The following TAS2R1 variants were observed in gnomAD, a reference collection of about 807,000 sequenced individuals.
TAS2R1 encodes the protein taste 2 receptor member 1, also known as taste receptor type 2 member 1.
For synonymous variants in TAS2R1, 141 were observed against 134.2 expected (o/e 1.05, Z -0.35); for missense variants, 370 against 353.4 (o/e 1.05, Z -0.38).
chr5:9,841,027 G>A, the TAS2R1 span, among the ~76,000 whole-genome samples: 1 of 151,806 alleles, frequency 6.6e-6, no homozygotes, highest in African/African-American at 2.4e-5. Flanking sequence ...TATTCACAAA[G>A]CACATAAATC....
downstream of TAS2R1, chr5:9,629,688 GAA>G: frequency 6.2e-7 from 1 of 1,614,148 alleles, no homozygotes; most frequent in Non-Finnish European, 8.5e-7. Context: ...TCAACCAGAT[GAA>G]GAGTGGGTGA....
the TAS2R1 span, among the ~76,000 whole-genome samples, chr5:9,899,203 C>A: frequency 6.6e-6 from 1 of 152,100 alleles, no homozygotes; most frequent in African/African-American, 2.4e-5. Context: ...GGATGTATGA[C>A]CACCAGAGGA....
At chr5:9,854,576 T>C in the TAS2R1 span, 1 of 152,182 alleles carries the variant, frequency 6.6e-6, no homozygotes, top group African/African-American at 2.4e-5. Context: ...TTCAATAATA[T>C]GTTCAAACTG....
chr5:9,650,612 C>G (rs1740286582), intron 2 of TAS2R1, among the ~76,000 whole-genome samples: 1 of 152,110 alleles, frequency 6.6e-6, no homozygotes, highest in Non-Finnish European at 1.5e-5. Context: ...ATACTTAGAA[C>G]ATTCCTTCTT....
the TAS2R1 span, among the ~76,000 whole-genome samples, chr5:9,895,844 C>T: frequency 7.2e-5 from 11 of 152,218 alleles, no homozygotes; most frequent in Non-Finnish European, 1.3e-4. Context: ...GAGAGTCCAG[C>T]TGTAATCTGA....
At chr5:9,830,094 T>A in the TAS2R1 span, among the ~76,000 whole-genome samples, 1 of 152,136 alleles carries the variant, frequency 6.6e-6, no homozygotes, top group Admixed American at 6.6e-5. Flanking sequence ...CACCCACAGC[T>A]TTGGCCATGA....
rs536208991 is a variant in TAS2R1, at chr5:9,704,490, A to G, written c.-242+7682T>C. Among the ~76,000 whole-genome samples, 9 of 152,344 alleles carry G rather than the reference A, an allele frequency of 5.9e-5. No individual in the cohort carries two copies. The East Asian group carries it at 9.6e-4, about 16-fold the overall frequency. ...TTAAATGTATACGGTTAATACCCTC[A>G]AAGCACAGCAAAAGGCAGTTCACGA... is the stretch of plus-strand genomic sequence containing the variant. On this transcript the variant is annotated intron_variant, in intron 1 of 2. Transcript: ENST00000506620.
the TAS2R1 span, among the ~76,000 whole-genome samples, chr5:9,802,718 T>C: frequency 6.6e-6 from 1 of 152,018 alleles, no homozygotes; most frequent in Non-Finnish European, 1.5e-5. Context: ...CTGGTCAACA[T>C]GGTGAAACCC....
intron 2 of TAS2R1, among the ~76,000 whole-genome samples, chr5:9,639,335 C>T (rs1740027937): frequency 6.6e-6 from 1 of 152,198 alleles, no homozygotes; most frequent in Admixed American, 6.5e-5. Flanking sequence ...TTTGGCACAA[C>T]TCCCTAAAAC....
chr5:9,894,784 C>T, the TAS2R1 span, among the ~76,000 whole-genome samples: 1 of 152,254 alleles, frequency 6.6e-6, no homozygotes, highest in African/African-American at 2.4e-5. Flanking sequence ...GGCCCCTTTG[C>T]AGGTGAAACC....
At chr5:9,840,753 T>C in the TAS2R1 span, among the ~76,000 whole-genome samples, 25 of 151,880 alleles carry the variant, frequency 1.6e-4, no homozygotes, top group Non-Finnish European at 2.9e-4. Flanking sequence ...ATATTTTTAG[T>C]GAAGGTGTGC....
chr5:9,898,149 C>T, the TAS2R1 span, among the ~76,000 whole-genome samples: 8 of 152,134 alleles, frequency 5.3e-5, no homozygotes, highest in Non-Finnish European at 8.8e-5. Flanking sequence ...TAATTGTTCA[C>T]GATAATCTAA....
the TAS2R1 span, among the ~76,000 whole-genome samples, chr5:9,724,948 A>C: frequency 2.0e-5 from 3 of 152,252 alleles, no homozygotes; most frequent in African/African-American, 7.2e-5. Flanking sequence ...AGCCCTGGAA[A>C]TACTGGAGGC....
chr5:9,761,717 T>A, the TAS2R1 span, among the ~76,000 whole-genome samples: 4 of 152,200 alleles, frequency 2.6e-5, no homozygotes, highest in African/African-American at 9.7e-5. Context: ...GATGTGTGAG[T>A]GCATCAAATG....
intron 1 of TAS2R1, among the ~76,000 whole-genome samples, chr5:9,706,920 T>G (rs1265320084): frequency 6.6e-6 from 1 of 152,184 alleles, no homozygotes; most frequent in Non-Finnish European, 1.5e-5. Context: ...TTTGAAGTAT[T>G]AAATGATGCG....
intron 2 of TAS2R1, among the ~76,000 whole-genome samples, chr5:9,655,008 A>G (rs1740380906): frequency 6.6e-6 from 1 of 152,220 alleles, no homozygotes; most frequent in Non-Finnish European, 1.5e-5. Flanking sequence ...AACATGGGTG[A>G]AACAAAAAAA....
At chr5:9,719,625 C>T in the TAS2R1 span, among the ~76,000 whole-genome samples, 2 of 152,176 alleles carry the variant, frequency 1.3e-5, no homozygotes, top group Non-Finnish European at 2.9e-5. Context: ...CTTCCTGCTG[C>T]TGCTTAAAAA....
At chr5:9,716,228 C>T (rs1057092787), upstream of TAS2R1, among the ~76,000 whole-genome samples, 1 of 152,126 alleles carries the variant, frequency 6.6e-6, no homozygotes. Context: ...TGCCATTTTG[C>T]AGCAGGGAGG....
At chr5:9,799,040 G>A in the TAS2R1 span, among the ~76,000 whole-genome samples, 10 of 152,110 alleles carry the variant, frequency 6.6e-5, no homozygotes, top group Non-Finnish European at 1.3e-4. Flanking sequence ...GACAACTGCT[G>A]GGACATGCAG....
Sources: gnomAD v4.1 joint callset for allele counts (sites outside exome capture counted in the v4.1 genomes callset) on GRCh38, gnomAD v4.1.1 for gene constraint, MANE v1.5 for transcripts, NCBI Gene and HGNC (gene_info 2026-07-23, HGNC 2026-07-21) for gene names.